Variants in DNAJC17 observed in about 807,000 individuals in gnomAD.
DNAJC17 encodes the protein DnaJ heat shock protein family (Hsp40) member C17, also known as dnaJ homolog subfamily C member 17.
Under a neutral mutation model 48.1 loss-of-function variants are expected in DNAJC17, and 35 were observed. The observed-to-expected ratio is 0.73, with a 90% CI of 0.56 to 0.96. The LOEUF (loss-of-function observed/expected upper bound fraction) is 0.96. DNAJC17 is among the 50% of genes least tolerant of loss of function. DNAJC17 has a pLI of 0.00. For missense variants in DNAJC17, 355 were observed against 377.1 expected (o/e 0.94, Z 0.48); for synonymous variants, 117 against 142.7 (o/e 0.82, Z 1.28).
Position 40,770,768 on chromosome 15 carries a change from C to T in DNAJC17, c.793-2706G>A. 6.5e-7 allele frequency: 1 copy of T among 1,546,576 alleles called. No homozygotes were observed. The highest frequency in any genetic ancestry group is 8.7e-7 in the Non-Finnish European group (1 of 1,146,952). On this transcript the variant is annotated intron_variant, in intron 10 of 10. Coordinates refer to ENST00000220496, the MANE Select transcript of DNAJC17 (RefSeq NM_018163.3). The surrounding 1 kb of genome is among the most constrained non-coding windows in gnomAD (Gnocchi z 5.0). ...CACGCCTCTACCGAGAGAGCTCAAGCTGCCCCAACATCCTGGAGCCCCCAC... is the reference window on the plus strand; with the variant it reads ...CACGCCTCTACCGAGAGAGCTCAAGTTGCCCCAACATCCTGGAGCCCCCAC...
intron 1 of DNAJC17, among the ~76,000 whole-genome samples, chr15:40,796,023 T>C (rs1010607136): frequency 6.6e-6 from 1 of 152,114 alleles, no homozygotes; most frequent in African/African-American, 2.4e-5. Context: ...GGTGGGAATA[T>C]AGGTCAGTAT....
In DNAJC17 at chr15:40,795,523, C is replaced by T. The variant is rs77438765; in HGVS notation, c.78+11846G>A. Among the ~76,000 whole-genome samples the T allele has an allele frequency of 1.4e-4, 21 of 152,210 alleles. No homozygotes were observed. In the East Asian group the frequency reaches 3.3e-3, roughly 24 times the overall value. ...TGCTGTTTATGGGAAATGTTTCAAC[C>T]CTCCTCTAAAACACTCATGGAGAAA... On this transcript the variant is annotated intron_variant, in intron 1 of 10. Transcript: ENST00000220496.
chr15:40,795,863 G>C (rs944981467), intron 1 of DNAJC17, among the ~76,000 whole-genome samples: 1 of 152,214 alleles, frequency 6.6e-6, no homozygotes, highest in Admixed American at 6.5e-5. Context: ...CTGCACTCCA[G>C]CCTGGGCGAC....
intron 1 of DNAJC17, among the ~76,000 whole-genome samples, chr15:40,785,939 GCCCTGGGCA>G (rs1889630468): frequency 1.3e-5 from 2 of 152,200 alleles, no homozygotes. Flanking sequence ...TGTTAAACCT[GCCCTGGGCA>G]GGGCCCATCC....
intron 1 of DNAJC17, 41 bp downstream of exon 1, chr15:40,807,328 C>T: frequency 1.2e-6 from 2 of 1,614,244 alleles, no homozygotes; most frequent in South Asian, 1.1e-5. Flanking sequence ...GGAAGGACCG[C>T]CAGACCTCTC....
intron 1 of DNAJC17, 199 bp downstream of exon 1, chr15:40,807,170 G>A: frequency 1.5e-6 from 2 of 1,366,676 alleles, no homozygotes; most frequent in East Asian, 5.0e-5. Context: ...AGAGCCCTCT[G>A]TACCCCGCTT....
In DNAJC17 at chr15:40,773,896, C is replaced by G. The variant is rs1033620429; in HGVS notation, c.682-59G>C. 6 of 1,457,338 alleles carry G rather than the reference C, an allele frequency of 4.1e-6. No individual in the cohort carries two copies. The African/African-American group carries it at 8.4e-5, about 21-fold the overall frequency. The allele number at this position is 1,457,338 out of a possible 1,614,324, so 90.3% of individuals were successfully genotyped here. ...GTTGAGTCAGCTATAAAGAGGCTCTCTCTACCCCCACAGAGAGAACGGAAC... is the reference window on the plus strand; with the variant it reads ...GTTGAGTCAGCTATAAAGAGGCTCTGTCTACCCCCACAGAGAGAACGGAAC... On this transcript the variant is annotated intron_variant, in intron 9 of 10. Coordinates refer to ENST00000220496, the MANE Select transcript of DNAJC17 (RefSeq NM_018163.3).
intron 8 of DNAJC17, 55 bp from the exon 9 acceptor site, chr15:40,774,491 G>T: frequency 2.5e-6 from 4 of 1,596,786 alleles, no homozygotes; most frequent in Non-Finnish European, 3.4e-6. Flanking sequence ...GATGGCCCAG[G>T]TCATGCCAGA....
At position 40,767,731 on chromosome 15, in the gene DNAJC17, G is replaced by A. The variant is rs1213489515; in HGVS notation, c.*209C>T. 17 of 695,388 alleles carry A rather than the reference G, an allele frequency of 2.4e-5. No homozygotes were observed. Among genetic ancestry groups the A allele is most frequent in the Middle Eastern group, 8.1e-4 (2 of 2,476 alleles). 43.1% of individuals were successfully genotyped at this position (695,388 alleles called of 1,614,324 possible). A position where few individuals can be genotyped will look rare whatever the true frequency, so the allele number is the denominator to read the frequency against. On this transcript the variant is annotated 3_prime_UTR_variant, in exon 11 of 11. Coordinates refer to ENST00000220496, the MANE Select transcript of DNAJC17 (RefSeq NM_018163.3). Reference sequence around the variant, plus strand: ...GTGGCTGCGCCTGTGCTCTGCTTGTGCACGGACTCTGGGACTCTCACCCTG... The same window carrying A: ...GTGGCTGCGCCTGTGCTCTGCTTGTACACGGACTCTGGGACTCTCACCCTG...
chr15:40,778,805 G>A (rs1889399350), intron 4 of DNAJC17, among the ~76,000 whole-genome samples: 1 of 152,148 alleles, frequency 6.6e-6, no homozygotes, highest in Admixed American at 6.5e-5. Flanking sequence ...GCGTAGTGGT[G>A]CATGCCTGTA....
Position 40,770,641 on chromosome 15 carries a change from G to T in DNAJC17, c.793-2579C>A. The T allele has an allele frequency of 1.9e-6, 3 of 1,550,300 alleles. No homozygotes were observed. The highest frequency in any genetic ancestry group is 1.4e-5 in the African/African-American group (1 of 73,154). ...GGGGACCACGAGGAGTACAGCAACC[G>T]AGAAGTCATCCGGGAGCTACAAGGG... On this transcript the variant is annotated intron_variant, in intron 10 of 10. Transcript: ENST00000220496. The surrounding 1 kb of genome is among the most constrained non-coding windows in gnomAD (Gnocchi z 5.0).
chr15:40,783,842 G>A (rs1182484377), intron 1 of DNAJC17, among the ~76,000 whole-genome samples: 1 of 152,166 alleles, frequency 6.6e-6, no homozygotes, highest in Non-Finnish European at 1.5e-5. Context: ...CAGCCTGGGT[G>A]ACAGAGTAAG....
At chr15:40,783,070 T>C (rs1889547124) in intron 1 of DNAJC17, among the ~76,000 whole-genome samples, 1 of 148,798 alleles carries the variant, frequency 6.7e-6, no homozygotes, top group Non-Finnish European at 1.5e-5. Context: ...TAAGACAGTG[T>C]CATCTTTGCA....
chr15:40,766,453 C>G lies in DNAJC17; in HGVS notation c.*1487G>C, dbSNP rs1362602187. ...CTCTCACCCCTGGAGGCAGGGAGAA[C>G]CCAAGCTACACAGGCTCTCTGAAAA... is the stretch of plus-strand genomic sequence containing the variant. On this transcript the variant is annotated 3_prime_UTR_variant, in exon 11 of 11. Transcript: ENST00000220496. 6.6e-6 allele frequency: 1 copy of G among 152,254 alleles called. No individual in the cohort carries two copies. The highest frequency in any genetic ancestry group is 1.5e-5 in the Non-Finnish European group (1 of 68,092). 9.4% of individuals were successfully genotyped at this position (152,254 alleles called of 1,614,324 possible). A position where few individuals can be genotyped will look rare whatever the true frequency, so the allele number is the denominator to read the frequency against.
intron 1 of DNAJC17, among the ~76,000 whole-genome samples, chr15:40,800,034 A>G (rs1890039357): frequency 6.6e-6 from 1 of 151,464 alleles, no homozygotes; most frequent in African/African-American, 2.4e-5. Context: ...TCTTCATAAT[A>G]GCTATCTTAA....
At chr15:40,793,310 C>G (rs924127706) in intron 1 of DNAJC17, among the ~76,000 whole-genome samples, 1 of 152,154 alleles carries the variant, frequency 6.6e-6, no homozygotes, top group Non-Finnish European at 1.5e-5. Context: ...TTCTTATATA[C>G]TCTTACTGAA....
chr15:40,789,792 T>A (rs896564839), intron 1 of DNAJC17, among the ~76,000 whole-genome samples: 4 of 150,010 alleles, frequency 2.7e-5, no homozygotes, highest in African/African-American at 9.8e-5. Context: ...AGAAATTAGT[T>A]GATTTCGGAA....
intron 1 of DNAJC17, among the ~76,000 whole-genome samples, chr15:40,803,138 T>C (rs901466307): frequency 2.2e-5 from 3 of 133,886 alleles, no homozygotes; most frequent in Non-Finnish European, 3.2e-5. Flanking sequence ...CCTCCTCTCC[T>C]CCAGAATAAA....
chr15:40,776,703 C>A, intron 4 of DNAJC17, 76 bp from the exon 5 acceptor site: 1 of 1,471,816 alleles, frequency 6.8e-7, no homozygotes, highest in Non-Finnish European at 9.4e-7. Flanking sequence ...CCAGCTCTGG[C>A]TGCCTCCCCA....
Sources: gnomAD v4.1 joint callset for allele counts (sites outside exome capture counted in the v4.1 genomes callset) on GRCh38, gnomAD v4.1.1 for gene constraint, Gnocchi (gnomAD v3.1) non-coding constraint, MANE v1.5 for transcripts, NCBI Gene and HGNC (gene_info 2026-07-23, HGNC 2026-07-21) for gene names.